ATF2: variants seen among roughly 807,000 people sequenced by gnomAD.
ATF2 encodes activating transcription factor 2.
A neutral mutation model predicts 60.6 loss-of-function variants in ATF2; 24 were observed. That is an observed-to-expected ratio of 0.40 (90% CI 0.29 to 0.56). The LOEUF is 0.56. Ranked by LOEUF, ATF2 falls within the 20% of genes least tolerant of loss-of-function variation. The pLI, the probability that ATF2 is intolerant of heterozygous loss-of-function variation, is 0.54. For synonymous variants in ATF2, 206 were observed against 215.4 expected, an observed-to-expected ratio of 0.96 and a Z score of 0.38; for missense variants, 433 against 607.7, an observed-to-expected ratio of 0.71 and a Z score of 3.02.
Position 175,164,331 on chromosome 2 carries a change from C to T in ATF2, c.-143+3719G>A, listed in dbSNP as rs913411145. On this transcript the variant is annotated intron_variant, in intron 1 of 13. Coordinates refer to ENST00000264110, the MANE Select transcript of ATF2 (RefSeq NM_001880.4). ...AGTGGATCACTCGAGGCCAGGAAGT[C>T]GAGATCAGCCTGGCCAACATGGTGA... Among the ~76,000 whole-genome samples the T allele has an allele frequency of 5.9e-5, 9 of 152,138 alleles. No individual in the cohort carries two copies. In the East Asian group the frequency reaches 1.7e-3, roughly 29 times the overall value.
intron 10 of ATF2, 71 bp from the exon 11 acceptor site, chr2:175,097,664 CAA>C (rs1695022921): frequency 1.0e-5 from 16 of 1,533,178 alleles, no homozygotes; most frequent in Non-Finnish European, 1.4e-5. Context: ...ACAAGACAAA[CAA>C]TAGCACCTTG....
rs1353670711 is a variant in ATF2 at position 175,093,274 on chromosome 2, T to C, written c.979-7A>G. ...TTGTGTGAGCTGGAGAAGCCTATTA[T>C]AAACAGAGATGAAAGCCTGTTATAT... On this transcript the variant is annotated splice_polypyrimidine_tract_variant and splice_region_variant and intron_variant, in intron 11 of 13. Coordinates refer to ENST00000264110, the MANE Select transcript of ATF2 (RefSeq NM_001880.4). 3.7e-6 allele frequency: 6 copies of C among 1,612,748 alleles called. No homozygotes were observed. The highest frequency in any genetic ancestry group is 5.1e-6 in the Non-Finnish European group (6 of 1,179,310).
chr2:175,120,735 C>CA (rs1271018112), intron 5 of ATF2, among the ~76,000 whole-genome samples: 1 of 151,138 alleles, frequency 6.6e-6, no homozygotes, highest in Non-Finnish European at 1.5e-5. Context: ...ATAAAATATA[C>CA]AAAAAAGTAG....
intron 1 of ATF2, among the ~76,000 whole-genome samples, chr2:175,163,915 T>C (rs1462141233): frequency 6.6e-3 from 14 of 2,116 alleles, no homozygotes; most frequent in African/African-American, 0.016. Flanking sequence ...AGCAACTCCG[T>C]CTCAAAAAAA....
At chr2:175,092,513 T>C (rs1218585763) in intron 12 of ATF2, 4 of 314,918 alleles carry the variant, frequency 1.3e-5, no homozygotes, top group South Asian at 9.0e-5. Context: ...CAGTATGAAA[T>C]GATCTGTACT....
chr2:175,157,412 C>A (rs146861109), intron 1 of ATF2, among the ~76,000 whole-genome samples: 4 of 152,262 alleles, frequency 2.6e-5, no homozygotes, highest in Admixed American at 6.5e-5. Context: ...GAGATCCCCT[C>A]TCGATTGGGC....
chr2:175,140,855 G>C (rs1698457451), intron 2 of ATF2, among the ~76,000 whole-genome samples: 1 of 148,842 alleles, frequency 6.7e-6, no homozygotes. Context: ...AAATTAGCCA[G>C]GCATGGTGGT....
At position 175,136,426 on chromosome 2, in the gene ATF2, A is replaced by G. The variant is rs1200486588; in HGVS notation, c.18T>C (p.His6=). ...TGCACACATACCTGGCAGAATTCAC[A>G]TGTAACTTGAATTTCATAAGTTGAA... The part of the protein sequence containing the change: MKFKL[H]VNSARQYKDL... Residue 6 remains histidine, a synonymous_variant, in exon 3 of 14, where the codon CAT becomes CAC. Transcript: ENST00000264110. The G allele has an allele frequency of 1.9e-6, 3 of 1,610,254 alleles. No individual in the cohort carries two copies. The highest frequency in any genetic ancestry group is 2.2e-5 in the East Asian group (1 of 44,688).
chr2:175,091,786 C>T (rs1002412581), intron 12 of ATF2, among the ~76,000 whole-genome samples: 1 of 152,146 alleles, frequency 6.6e-6, no homozygotes, highest in Non-Finnish European at 1.5e-5. Flanking sequence ...TCACTGGCAC[C>T]CGGGAGCTGG....
rs1262246460 is a variant in ATF2 at position 175,097,538 on chromosome 2, A to C, written c.884T>G (p.Val295Gly). 3.7e-6 allele frequency: 6 copies of C among 1,613,990 alleles called. No individual in the cohort carries two copies. The highest frequency in any genetic ancestry group is 3.3e-4 in the Middle Eastern group (2 of 6,082). ...AACCAATCCGCTACCATGACCTTTGACAGTATCACCATTGGTAACTGGAGG... is the reference window on the plus strand; with the variant it reads ...AACCAATCCGCTACCATGACCTTTGCCAGTATCACCATTGGTAACTGGAGG... ...QHPPVTNGDT[V>G]KGHGSGLVRT... is the part of the protein sequence containing the mutation. The change falls in exon 11 of 14, where the codon GTC becomes GGC. Residue 295 changes from valine (V) to glycine (G), a missense_variant. Physicochemically the swap from Val to Gly is moderately radical, Grantham distance 109. This residue lies in a region of ATF2 where 246 missense variants were observed against 309.3 expected (regional missense o/e 0.80). Transcript: ENST00000264110.
chr2:175,167,132 A>C (rs575414960), intron 1 of ATF2, among the ~76,000 whole-genome samples: 148 of 152,264 alleles, frequency 9.7e-4, no homozygotes, highest in Admixed American at 1.4e-3. Flanking sequence ...CCATTAAAGA[A>C]AGCCAATTTT....
At chr2:175,108,962 G>A (rs1210639618) in intron 10 of ATF2, among the ~76,000 whole-genome samples, 3 of 152,048 alleles carry the variant, frequency 2.0e-5, no homozygotes, top group Non-Finnish European at 1.5e-5. Flanking sequence ...TTAAACAGAT[G>A]CATGAAGGCA....
intron 4 of ATF2, among the ~76,000 whole-genome samples, chr2:175,127,860 T>A (rs912917392): frequency 6.6e-6 from 1 of 152,170 alleles, no homozygotes; most frequent in Non-Finnish European, 1.5e-5. Flanking sequence ...CTCTACATCA[T>A]TAAATATCAC....
chr2:175,078,696 T>C (rs3771925), intron 13 of ATF2, among the ~76,000 whole-genome samples: 10,536 of 152,268 alleles, frequency 0.069, 640 homozygotes, highest in East Asian at 0.26. Flanking sequence ...AAGATTTAGC[T>C]AGTATTACAA....
chr2:175,113,185 T>A (rs1696320487), intron 9 of ATF2, among the ~76,000 whole-genome samples: 2 of 152,176 alleles, frequency 1.3e-5, no homozygotes, highest in Admixed American at 6.5e-5. Context: ...TAAAACTGTT[T>A]TATGTAATGT....
At chr2:175,111,191 A>AT (rs1440004924) in intron 10 of ATF2, among the ~76,000 whole-genome samples, 1 of 152,216 alleles carries the variant, frequency 6.6e-6, no homozygotes, top group Non-Finnish European at 1.5e-5. Flanking sequence ...CTTGTACACT[A>AT]TTTCAGAATT....
chr2:175,108,981 G>A (rs60395441), intron 10 of ATF2, among the ~76,000 whole-genome samples: 227 of 152,002 alleles, frequency 1.5e-3, no homozygotes, highest in African/African-American at 5.0e-3. Flanking sequence ...CAGCATGCTC[G>A]TTAAGAGTCA....
At chr2:175,108,687 T>C (rs1223042459) in intron 10 of ATF2, among the ~76,000 whole-genome samples, 1 of 152,124 alleles carries the variant, frequency 6.6e-6, no homozygotes, top group African/African-American at 2.4e-5. Flanking sequence ...ACCCAACAGC[T>C]CATTGAGAAC....
At chr2:175,164,894 T>C (rs1281773218) in intron 1 of ATF2, among the ~76,000 whole-genome samples, 1 of 152,262 alleles carries the variant, frequency 6.6e-6, no homozygotes, top group Non-Finnish European at 1.5e-5. Context: ...TCTCATTCTG[T>C]TGCCCAGGCT....
Sources: allele counts gnomAD v4.1 joint callset (sites outside exome capture counted in the v4.1 genomes callset), GRCh38; gene constraint gnomAD v4.1.1; regional missense constraint gnomAD v4.1.1; transcripts MANE v1.5; gene names NCBI Gene and HGNC (gene_info 2026-07-23, HGNC 2026-07-21).